The following CPS1 variants were observed in gnomAD, a reference collection of about 807,000 sequenced individuals.
The protein encoded by CPS1 is carbamoyl-phosphate synthase 1, also known as carbamoyl-phosphate synthase [ammonia], mitochondrial.
Under a neutral mutation model 174.6 loss-of-function variants are expected in CPS1, and 109 were observed. The ratio of observed to expected loss-of-function variants is 0.62; its 90% CI spans 0.53 to 0.73. The LOEUF is 0.73. CPS1 is among the 30% of genes least tolerant of loss of function. The probability of loss-of-function intolerance (pLI) is 0.00; values close to 1 mark genes in which losing one functional copy is unlikely to be tolerated. For synonymous variants in CPS1, 637 were observed against 632.0 expected (o/e 1.01, Z -0.12); for missense variants, 1,689 against 1,821.9 (o/e 0.93, Z 1.33).
chr2:210,586,431 G>A (rs1698111389), intron 6 of CPS1, among the ~76,000 whole-genome samples: 1 of 151,970 alleles, frequency 6.6e-6, no homozygotes, highest in Non-Finnish European at 1.5e-5. Context: ...GCATGATAGA[G>A]GGTGATGATA....
intron 2 of CPS1, among the ~76,000 whole-genome samples, 154 bp downstream of exon 2, chr2:210,573,561 G>A (rs531817601): frequency 5.3e-5 from 8 of 152,110 alleles, no homozygotes; most frequent in East Asian, 1.9e-4. Context: ...TACTGCTGCC[G>A]TCCTTGAAAG....
chr2:210,624,213 T>C (rs978584727), intron 21 of CPS1, among the ~76,000 whole-genome samples: 3 of 152,030 alleles, frequency 2.0e-5, no homozygotes, highest in Non-Finnish European at 4.4e-5. Flanking sequence ...TACTACTAAC[T>C]CACACGATAT....
At chr2:210,594,375 A>G in intron 11 of CPS1, 133 bp from the exon 12 acceptor site, 1 of 675,058 alleles carries the variant, frequency 1.5e-6, no homozygotes, top group Non-Finnish European at 2.6e-6. Context: ...AAAAAAGCAA[A>G]AAAAGCTGAA....
intron 26 of CPS1, 122 bp from the exon 27 acceptor site, chr2:210,648,351 A>G (rs368199738): frequency 4.9e-6 from 4 of 812,032 alleles, no homozygotes; most frequent in East Asian, 2.6e-5. Flanking sequence ...TCCAATTTAC[A>G]TTTAATGGTG....
chr2:210,631,162 G>A (rs1308982369), intron 21 of CPS1: 1 of 151,984 alleles, frequency 6.6e-6, no homozygotes, highest in Non-Finnish European at 1.5e-5. Context: ...TGAGTTGGTG[G>A]ATCAGATGAA....
intron 34 of CPS1, among the ~76,000 whole-genome samples, chr2:210,669,288 T>C (rs539216024): frequency 6.6e-6 from 1 of 152,264 alleles, no homozygotes; most frequent in South Asian, 2.1e-4. Flanking sequence ...ACTGTCCTGT[T>C]TATAAATTTC....
In CPS1 at chr2:210,576,473, G is replaced by C; in HGVS notation, c.364G>C (p.Glu122Gln). 1 of 1,613,544 alleles carries C rather than the reference G, an allele frequency of 6.2e-7. No homozygotes were observed. Among genetic ancestry groups the C allele is most frequent in the Non-Finnish European group, 8.5e-7 (1 of 1,179,596 alleles). ...TGAACTGGGACTTAGCAAATATTTG[G>C]AGTCTAATGGAATCAAGGTAGTACC... ...LDELGLSKYL[E>Q]SNGIKVSGLL... The change falls in exon 3 of 38, where the codon GAG becomes CAG. Residue 122 changes from glutamate (E) to glutamine (Q), a missense_variant. Glu to Gln is a conservative substitution (Grantham distance 29, BLOSUM62 2). Transcript: ENST00000233072.
upstream of CPS1, chr2:210,555,731 A>G: frequency 2.2e-6 from 1 of 451,542 alleles, no homozygotes; most frequent in South Asian, 1.6e-5. Context: ...TTCCTGTTCT[A>G]CATAGTCATG....
intron 28 of CPS1, 112 bp from the exon 29 acceptor site, chr2:210,653,913 G>T: frequency 1.2e-6 from 1 of 818,842 alleles, no homozygotes; most frequent in Non-Finnish European, 2.1e-6. Context: ...TCAGCCTTGA[G>T]TATTTTGCAA....
chr2:210,609,892 C>T (rs1170234009), intron 19 of CPS1, among the ~76,000 whole-genome samples: 2 of 151,906 alleles, frequency 1.3e-5, no homozygotes, highest in African/African-American at 4.8e-5. Flanking sequence ...CTTTACTGGT[C>T]TATCATATTC....
chr2:210,639,867 G>A, intron 23 of CPS1, 129 bp from the exon 24 acceptor site: 1 of 715,318 alleles, frequency 1.4e-6, no homozygotes, highest in African/African-American at 1.7e-5. Context: ...GGTTTCCAGA[G>A]ACTAATAGAG....
chr2:210,662,859 A>G (rs1156698413), intron 32 of CPS1, among the ~76,000 whole-genome samples: 1 of 152,254 alleles, frequency 6.6e-6, no homozygotes, highest in Non-Finnish European at 1.5e-5. Context: ...ACACTGGTCC[A>G]GACTGGTCTC....
At chr2:210,535,514 C>T (rs1174255153) in intron 1 of CPS1, among the ~76,000 whole-genome samples, 1 of 152,150 alleles carries the variant, frequency 6.6e-6, no homozygotes, top group African/African-American at 2.4e-5. Flanking sequence ...ACCCACAAAT[C>T]CCCCTTTTCA....
At chr2:210,520,027 A>G (rs1427143900) in intron 1 of CPS1, among the ~76,000 whole-genome samples, 1 of 151,922 alleles carries the variant, frequency 6.6e-6, no homozygotes, top group Non-Finnish European at 1.5e-5. Flanking sequence ...GTCATTGTTT[A>G]TTTACTTATA....
chr2:210,584,239 C>T lies in CPS1; in HGVS notation c.621+1530C>T, dbSNP rs149473352. The stretch of plus-strand genomic sequence containing the variant: ...GGCTTTACATGTGGAGAATTTAGCC[C>T]TGTGGAAGCCTATGTGGCATCACAG... On this transcript the variant is annotated intron_variant, in intron 6 of 37. Coordinates refer to ENST00000233072, the MANE Select transcript of CPS1 (RefSeq NM_001875.5). 2.1e-3 allele frequency among the ~76,000 whole-genome samples: 316 copies of T among 152,186 alleles called. 2 individuals are homozygous for T. Among genetic ancestry groups the T allele is most frequent in the African/African-American group, 7.5e-3 (312 of 41,542 alleles).
rs1376851408 is a variant in CPS1, at chr2:210,582,681, A to G, written c.593A>G (p.Gln198Arg). 9.9e-6 allele frequency: 16 copies of G among 1,613,156 alleles called. No individual in the cohort carries two copies. The highest frequency in any genetic ancestry group is 2.2e-5 in the East Asian group (1 of 44,850). Residue 198 changes from glutamine (Q) to arginine (R), a missense_variant, in exon 6 of 38, where the codon CAG (glutamine) becomes CGG (arginine). Coordinates refer to ENST00000233072, the MANE Select transcript of CPS1 (RefSeq NM_001875.5). Reference sequence around the variant, plus strand: ...GTGGATTTTGTGGATCCAAATAAACAGAATTTGATTGCTGAGGTTTCAACC... The same window carrying G: ...GTGGATTTTGTGGATCCAAATAAACGGAATTTGATTGCTGAGGTTTCAACC... Reference protein sequence around the residue: ...QPVDFVDPNKQNLIAEVSTKD... With the variant: ...QPVDFVDPNKRNLIAEVSTKD...
rs576303662 is a variant in CPS1, at chr2:210,650,409, T to C, written c.3451T>C (p.Phe1151Leu). The change falls in exon 28 of 38, where the codon TTC (phenylalanine) becomes CTC (leucine). Residue 1151 changes from phenylalanine to leucine, a missense_variant. Phe to Leu is a conservative substitution (Grantham distance 22). Coordinates refer to ENST00000233072, the MANE Select transcript of CPS1 (RefSeq NM_001875.5). ...VVFSEDEMKK[F>L]LEEATRVSQE... is the part of the protein sequence containing the mutation. ...ATTCTCTGAGGATGAGATGAAAAAA[T>C]TCCTAGAAGAGGCGACTAGAGTTTC... is the stretch of plus-strand genomic sequence containing the variant. The C allele has an allele frequency of 6.4e-5, 104 of 1,613,578 alleles. 3 individuals carry two copies. The South Asian group carries it at 1.1e-3, about 17-fold the overall frequency.
At chr2:210,502,854 A>G (rs1695184175) in intron 1 of CPS1, among the ~76,000 whole-genome samples, 1 of 152,198 alleles carries the variant, frequency 6.6e-6, no homozygotes, top group African/African-American at 2.4e-5. Context: ...ACATTTTAAA[A>G]TAAGGAAGGG....
intron 1 of CPS1, among the ~76,000 whole-genome samples, chr2:210,515,449 G>T (rs1695657117): frequency 6.6e-6 from 1 of 151,572 alleles, no homozygotes; most frequent in Admixed American, 6.6e-5. Flanking sequence ...TGTGTTTCTA[G>T]GAATTTATGT....
Sources: gnomAD v4.1 joint callset for allele counts (sites outside exome capture counted in the v4.1 genomes callset) on GRCh38, gnomAD v4.1.1 for gene constraint, MANE v1.5 for transcripts, NCBI Gene and HGNC (gene_info 2026-07-23, HGNC 2026-07-21) for gene names.